DPP10: variants seen among roughly 807,000 people sequenced by gnomAD.
DPP10 encodes the protein dipeptidyl peptidase like 10, also known as inactive dipeptidyl peptidase 10.
In DPP10, 33 loss-of-function variants were observed where a neutral mutation model predicts 120.9. The ratio of observed to expected loss-of-function variants is 0.27; its 90% confidence interval spans 0.21 to 0.37. DPP10 has a LOEUF of 0.37. DPP10 is among the 10% of genes least tolerant of loss of function. DPP10 has a pLI of 1.00. For synonymous variants in DPP10, 337 were observed against 326.1 expected (o/e 1.03, Z -0.36); for missense variants, 816 against 942.8 (o/e 0.87, Z 1.76).
Position 114,633,777 on chromosome 2 carries a change from T to G in DPP10, c.60+190939T>G, listed in dbSNP as rs565266098. 3.5e-4 allele frequency among the ~76,000 whole-genome samples: 53 copies of G among 151,696 alleles called. 1 individual carries two copies. The highest frequency in any genetic ancestry group is 1.3e-3 in the African/African-American group (53 of 41,124). The stretch of plus-strand genomic sequence containing the variant: ...ACAGGTGCACACCACCATGTCTGGC[T>G]AATTTTTTTGTATTTTTAGTACAGA... On this transcript the variant is annotated intron_variant, in intron 1 of 25. Transcript: ENST00000410059.
chr2:115,687,507 A>T (rs1192993055), intron 5 of DPP10, among the ~76,000 whole-genome samples: 1 of 151,836 alleles, frequency 6.6e-6, no homozygotes, highest in African/African-American at 2.4e-5. Context: ...AGATAGATAG[A>T]TAGATAGATA....
chr2:114,612,895 A>G (rs1157870721), intron 1 of DPP10, among the ~76,000 whole-genome samples: 2 of 152,180 alleles, frequency 1.3e-5, no homozygotes, highest in African/African-American at 2.4e-5. Flanking sequence ...ATGAGAAACT[A>G]TTTTCAGCTA....
rs191786215 is a variant in DPP10 at position 115,592,749 on chromosome 2, G to A, written c.441+66777G>A. 1.3e-3 allele frequency among the ~76,000 whole-genome samples: 190 copies of A among 151,432 alleles called. 1 individual carries two copies. The highest frequency in any genetic ancestry group is 3.9e-3 in the African/African-American group (159 of 41,242). On this transcript the variant is annotated intron_variant, in intron 5 of 25. Transcript: ENST00000410059. ...CCAGCCTGGTGACAGAGTGACACTC[G>A]GTCTCAAAAACAAAAAAAGAAAGAA...
In DPP10 at chr2:114,722,425, G is replaced by GT. The variant is rs199781827; in HGVS notation, c.60+279596dup. Reference sequence around the variant, plus strand: ...AAAGAGGAGTTCTAGAGAATCTAAAGTTTTTTTTTGATTGTTCAATAGTTA... The same window carrying GT: ...AAAGAGGAGTTCTAGAGAATCTAAAGTTTTTTTTTTGATTGTTCAATAGTTA... On this transcript the variant is annotated intron_variant, in intron 1 of 25. Transcript: ENST00000410059. Among the ~76,000 whole-genome samples, 32 of 151,302 alleles carry GT rather than the reference G, an allele frequency of 2.1e-4. No individual in the cohort carries two copies. The East Asian group carries it at 4.8e-3, about 23-fold the overall frequency.
intron 1 of DPP10, among the ~76,000 whole-genome samples, chr2:114,633,893 T>G (rs1695128861): frequency 6.6e-6 from 1 of 151,776 alleles, no homozygotes; most frequent in Non-Finnish European, 1.5e-5. Context: ...AGGATTACAG[T>G]CATGAGCTGC....
chr2:114,529,366 A>C (rs2104721734), intron 1 of DPP10, among the ~76,000 whole-genome samples: 1 of 152,286 alleles, frequency 6.6e-6, no homozygotes, highest in South Asian at 2.1e-4. Context: ...GTGGTCTTTT[A>C]AAGGGTAAAT....
intron 5 of DPP10, among the ~76,000 whole-genome samples, chr2:115,610,058 A>G (rs1375512336): frequency 6.6e-6 from 1 of 152,172 alleles, no homozygotes. Context: ...AAAACATGGT[A>G]CTGGCTTCAG....
chr2:115,446,792 T>C (rs1232527137), intron 3 of DPP10, among the ~76,000 whole-genome samples: 1 of 152,160 alleles, frequency 6.6e-6, no homozygotes, highest in African/African-American at 2.4e-5. Flanking sequence ...AGTGTGAAGT[T>C]TGGCGATTAC....
chr2:114,817,666 G>A (rs1339417427), intron 1 of DPP10, among the ~76,000 whole-genome samples: 3 of 152,162 alleles, frequency 2.0e-5, no homozygotes, highest in Non-Finnish European at 4.4e-5. Flanking sequence ...CAATTCATGG[G>A]AGTCGGGCTT....
chr2:115,274,156 T>C (rs1209015188), intron 1 of DPP10, among the ~76,000 whole-genome samples: 1 of 152,162 alleles, frequency 6.6e-6, no homozygotes, highest in Non-Finnish European at 1.5e-5. Flanking sequence ...TTAACAGTTA[T>C]TGTCTAAATC....
At chr2:114,477,952 T>C in intron 1 of DPP10, among the ~76,000 whole-genome samples, 1 of 150,822 alleles carries the variant, frequency 6.6e-6, no homozygotes, top group Admixed American at 6.6e-5. Context: ...TATGTACATA[T>C]ATGTGTGTAT....
chr2:115,689,769 A>G (rs768529705), intron 6 of DPP10, 30 bp downstream of exon 6: 1 of 1,607,162 alleles, frequency 6.2e-7, no homozygotes, highest in South Asian at 1.1e-5. Flanking sequence ...AGTTTTCATG[A>G]GCAATTGTGT....
chr2:114,746,069 C>A (rs1268696587), intron 1 of DPP10, among the ~76,000 whole-genome samples: 1 of 152,224 alleles, frequency 6.6e-6, no homozygotes, highest in Non-Finnish European at 1.5e-5. Flanking sequence ...TTTCCCACTG[C>A]ACTTTCATTT....
intron 1 of DPP10, among the ~76,000 whole-genome samples, chr2:115,072,393 G>A (rs1707439221): frequency 6.6e-6 from 1 of 152,196 alleles, no homozygotes; most frequent in African/African-American, 2.4e-5. Flanking sequence ...GTTGCCTTGA[G>A]TGATTTTGCC....
At chr2:115,539,825 A>C (rs1157898144) in intron 5 of DPP10, among the ~76,000 whole-genome samples, 4 of 151,702 alleles carry the variant, frequency 2.6e-5, no homozygotes, top group African/African-American at 9.7e-5. Context: ...GTTAAAAAAA[A>C]AAACCACAAC....
intron 3 of DPP10, among the ~76,000 whole-genome samples, chr2:115,429,897 C>A (rs2070816879): frequency 6.6e-6 from 1 of 152,156 alleles, no homozygotes; most frequent in Non-Finnish European, 1.5e-5. Context: ...TTGTTTTCAT[C>A]ATCTAAAAAT....
chr2:115,768,903 A>G (rs772842463), intron 13 of DPP10, among the ~76,000 whole-genome samples: 4 of 151,964 alleles, frequency 2.6e-5, no homozygotes, highest in Non-Finnish European at 2.9e-5. Context: ...TAGATGTTTT[A>G]TGTTAAATAA....
chr2:114,950,500 T>C (rs1697706490), intron 1 of DPP10, among the ~76,000 whole-genome samples: 1 of 150,758 alleles, frequency 6.6e-6, no homozygotes, highest in Non-Finnish European at 1.5e-5. Flanking sequence ...TACAGATGGG[T>C]TTTCACGGTG....
At chr2:115,516,942 G>A (rs985384667) in intron 4 of DPP10, among the ~76,000 whole-genome samples, 2 of 151,988 alleles carry the variant, frequency 1.3e-5, no homozygotes, top group Non-Finnish European at 2.9e-5. Flanking sequence ...ATATCCTATT[G>A]GCAAAGATTA....
Sources: gnomAD v4.1 joint callset for allele counts (sites outside exome capture counted in the v4.1 genomes callset) on GRCh38, gnomAD v4.1.1 for gene constraint, MANE v1.5 for transcripts, NCBI Gene and HGNC (gene_info 2026-07-23, HGNC 2026-07-21) for gene names.